Variants in SPAG16 observed in about 807,000 individuals in gnomAD.
SPAG16 encodes sperm associated antigen 16.
In SPAG16, 86 loss-of-function variants were observed where a neutral mutation model predicts 80.4. That is an observed-to-expected ratio of 1.07 (90% CI 0.90 to 1.28). SPAG16 has a LOEUF of 1.28. Ranked by LOEUF, SPAG16 falls within the 50% of genes most tolerant of loss-of-function variation. The probability of loss-of-function intolerance (pLI) is 0.00; values close to 1 mark genes in which losing one functional copy is unlikely to be tolerated. For missense variants in SPAG16, 870 were observed against 765.3 expected (o/e 1.14, Z -1.61); for synonymous variants, 294 against 265.9 (o/e 1.11, Z -1.03).
intron 10 of SPAG16, among the ~76,000 whole-genome samples, chr2:213,747,716 A>G (rs2067892623): frequency 6.6e-6 from 1 of 152,332 alleles, no homozygotes; most frequent in Non-Finnish European, 1.5e-5. Flanking sequence ...CTAGGTTTGT[A>G]TAAGTACACT....
At chr2:213,840,092 T>A (rs1054247091) in intron 10 of SPAG16, among the ~76,000 whole-genome samples, 8 of 152,170 alleles carry the variant, frequency 5.3e-5, no homozygotes, top group Admixed American at 4.6e-4. Flanking sequence ...AGATGTATAC[T>A]TTTTGCCATT....
chr2:213,812,414 G>A (rs2072221135), intron 10 of SPAG16, among the ~76,000 whole-genome samples: 1 of 152,186 alleles, frequency 6.6e-6, no homozygotes, highest in Non-Finnish European at 1.5e-5. Flanking sequence ...AAGAGACTCA[G>A]CTTTAGGTTA....
intron 9 of SPAG16, among the ~76,000 whole-genome samples, chr2:213,449,681 T>A (rs969938203): frequency 6.6e-6 from 1 of 152,192 alleles, no homozygotes; most frequent in Non-Finnish European, 1.5e-5. Flanking sequence ...AAACTACCTA[T>A]TAGGTACTAG....
At chr2:213,985,314 A>C (rs1262846642) in intron 12 of SPAG16, among the ~76,000 whole-genome samples, 1 of 152,224 alleles carries the variant, frequency 6.6e-6, no homozygotes, top group East Asian at 1.9e-4. Flanking sequence ...TTGAATTTTT[A>C]AAGTTTGATT....
At chr2:213,702,334 G>C (rs961426770) in intron 10 of SPAG16, among the ~76,000 whole-genome samples, 4 of 152,202 alleles carry the variant, frequency 2.6e-5, no homozygotes, top group Admixed American at 6.5e-5. Context: ...CTCTTTTCAT[G>C]CTGTGGAAGG....
chr2:213,436,221 A>G (rs76381662), intron 9 of SPAG16, among the ~76,000 whole-genome samples: 3,571 of 152,324 alleles, frequency 0.023, 58 homozygotes, highest in African/African-American at 0.038. Flanking sequence ...GTAAGTAGGA[A>G]TAAATTGGGC....
chr2:214,081,820 T>C (rs866066051), intron 13 of SPAG16, among the ~76,000 whole-genome samples: 33 of 147,930 alleles, frequency 2.2e-4, no homozygotes, highest in South Asian at 2.2e-4. Flanking sequence ...TTTTTAGTGC[T>C]CTCTCCTACT....
chr2:213,623,534 C>G (rs1043426959), intron 10 of SPAG16, among the ~76,000 whole-genome samples: 1 of 152,012 alleles, frequency 6.6e-6, no homozygotes, highest in Admixed American at 6.5e-5. Context: ...TTGTCAGAAT[C>G]TAAAGAAATA....
At chr2:213,999,642 T>G (rs946635342) in intron 12 of SPAG16, among the ~76,000 whole-genome samples, 6 of 152,116 alleles carry the variant, frequency 3.9e-5, no homozygotes, top group Admixed American at 6.6e-5. Context: ...ACTGGAAGCT[T>G]GCACTGTTTG....
intron 10 of SPAG16, among the ~76,000 whole-genome samples, chr2:213,540,527 TTC>T (rs2076409898): frequency 6.6e-6 from 1 of 152,214 alleles, no homozygotes; most frequent in Non-Finnish European, 1.5e-5. Flanking sequence ...ACATTTCATT[TTC>T]TGTCATTATT....
chr2:214,406,364 G>C (rs11690251), intron 15 of SPAG16, among the ~76,000 whole-genome samples: 25,129 of 152,048 alleles, frequency 0.17, 2,685 homozygotes, highest in African/African-American at 0.29. Flanking sequence ...ATTAGCATGA[G>C]AGTAAGAGTT....
chr2:213,490,382 A>C (rs544366244), intron 10 of SPAG16, among the ~76,000 whole-genome samples: 4 of 152,270 alleles, frequency 2.6e-5, no homozygotes, highest in African/African-American at 9.6e-5. Context: ...TAAAGATAGG[A>C]TCTCAGCAAC....
intron 15 of SPAG16, among the ~76,000 whole-genome samples, chr2:214,157,044 T>C (rs1322344259): frequency 3.3e-5 from 5 of 152,144 alleles, no homozygotes; most frequent in Non-Finnish European, 7.4e-5. Flanking sequence ...CCCTATTGTA[T>C]ATGCAAATCC....
chr2:214,037,668 T>A (rs1365074103), intron 13 of SPAG16, among the ~76,000 whole-genome samples: 1 of 152,050 alleles, frequency 6.6e-6, no homozygotes, highest in African/African-American at 2.4e-5. Context: ...TCTCCTTAAT[T>A]TTTTGCTTTA....
rs116675381 is a variant in SPAG16 at position 213,372,975 on chromosome 2, A to G, written c.833-2035A>G. 5.8e-3 allele frequency among the ~76,000 whole-genome samples: 877 copies of G among 152,302 alleles called. 3 individuals are homozygous for G. The highest frequency in any genetic ancestry group is 9.6e-3 in the Non-Finnish European group (654 of 67,992). ...GTAAAATTTAGCACTGGAAGGTACA[A>G]TAAATAGAATTTCTATAAATGAAAG... On this transcript the variant is annotated intron_variant, in intron 8 of 15. Transcript: ENST00000331683.
intron 9 of SPAG16, among the ~76,000 whole-genome samples, chr2:213,392,378 G>A (rs138443153): frequency 0.014 from 2,116 of 152,088 alleles, 25 homozygotes; most frequent in Non-Finnish European, 0.015. Flanking sequence ...CAAGGATCTG[G>A]GTGCTATTTT....
chr2:214,382,342 T>G (rs1158278237), intron 15 of SPAG16, among the ~76,000 whole-genome samples: 1 of 152,232 alleles, frequency 6.6e-6, no homozygotes, highest in Non-Finnish European at 1.5e-5. Flanking sequence ...TGTGAAGAAA[T>G]GCACAGTATC....
intron 11 of SPAG16, among the ~76,000 whole-genome samples, chr2:213,879,342 C>CT (rs1180139239): frequency 1.3e-5 from 2 of 150,762 alleles, no homozygotes. Context: ...TTGTAGTTTT[C>CT]TTTGTAGAGA....
Position 213,640,471 on chromosome 2 carries a change from G to A in SPAG16, c.1070+150381G>A, listed in dbSNP as rs531193791. ...ATGTGGTGTTCTCCCCCTTTTCCTA[G>A]GGATGCAGCTTCCTGAGAGCTGGAC... On this transcript the variant is annotated intron_variant, in intron 10 of 15. Coordinates refer to ENST00000331683, the MANE Select transcript of SPAG16 (RefSeq NM_024532.5). Among the ~76,000 whole-genome samples the A allele has an allele frequency of 2.6e-5, 4 of 152,188 alleles. No homozygotes were observed. The East Asian group carries it at 7.7e-4, about 29-fold the overall frequency.
Sources: gnomAD v4.1 joint callset for allele counts (sites outside exome capture counted in the v4.1 genomes callset) on GRCh38, gnomAD v4.1.1 for gene constraint, MANE v1.5 for transcripts, NCBI Gene and HGNC (gene_info 2026-07-23, HGNC 2026-07-21) for gene names.